Variants in PRDM16 observed in about 807,000 individuals in gnomAD.
PRDM16 encodes the protein histone-lysine N-methyltransferase PRDM16.
A neutral mutation model predicts 110.6 loss-of-function variants in PRDM16; 23 were observed. The observed-to-expected ratio is 0.21, with a 90% CI of 0.15 to 0.29. The LOEUF is 0.29. Among genes scored for constraint, PRDM16 ranks in the 10% least tolerant of loss-of-function variants. The pLI is 1.00. For missense variants in PRDM16, 1,615 were observed against 1,794.3 expected (o/e 0.90, Z 1.81); for synonymous variants, 799 against 781.8 (o/e 1.02, Z -0.37).
chr1:3,284,243 T>C (rs1640798408), intron 3 of PRDM16, among the ~76,000 whole-genome samples: 1 of 152,234 alleles, frequency 6.6e-6, no homozygotes, highest in Admixed American at 6.5e-5. Context: ...CCCCAGACAT[T>C]ATCTGCCTTT....
chr1:3,234,136 C>A (rs1423327354), intron 2 of PRDM16, among the ~76,000 whole-genome samples: 2 of 152,174 alleles, frequency 1.3e-5, no homozygotes, highest in Non-Finnish European at 2.9e-5. Flanking sequence ...GCTCTTGGAA[C>A]CCGGGCATGG....
intron 1 of PRDM16, among the ~76,000 whole-genome samples, chr1:3,142,028 G>A (rs189486597): frequency 1.3e-5 from 2 of 152,380 alleles, no homozygotes; most frequent in Admixed American, 6.5e-5. Context: ...CCATGGGGTC[G>A]CACTCTGGCC....
rs538233028 is a variant in PRDM16, at chr1:3,412,854, C to T, written c.2603+54C>T. On this transcript the variant is annotated intron_variant, in intron 9 of 16. Coordinates refer to ENST00000270722, the MANE Select transcript of PRDM16 (RefSeq NM_022114.4). ...TCCCTGGGGCGGGGCCGCGGCGGTG[C>T]TGGGCGGGCTCAGTGCATGGTGGTG... 201 of 1,374,916 alleles carry T rather than the reference C, an allele frequency of 1.5e-4. 1 individual carries two copies. In the African/African-American group the frequency reaches 2.8e-3, roughly 19 times the overall value. 85.2% of individuals were successfully genotyped at this position (1,374,916 alleles called of 1,614,324 possible).
chr1:3,120,538 C>T (rs979187684), intron 1 of PRDM16, among the ~76,000 whole-genome samples: 6 of 152,152 alleles, frequency 3.9e-5, no homozygotes, highest in East Asian at 1.9e-4. Flanking sequence ...CCACCATCCC[C>T]GCAAAGCTGG....
At chr1:3,181,021 C>T (rs373312169) in intron 1 of PRDM16, among the ~76,000 whole-genome samples, 2 of 137,542 alleles carry the variant, frequency 1.5e-5, no homozygotes, top group Non-Finnish European at 3.2e-5. Flanking sequence ...CTTACAAATG[C>T]GGTCTTACAC....
At chr1:3,432,728 G>A (rs1638801909) in intron 16 of PRDM16, among the ~76,000 whole-genome samples, 1 of 152,214 alleles carries the variant, frequency 6.6e-6, no homozygotes, top group Admixed American at 6.5e-5. Flanking sequence ...GCCCGCCCCA[G>A]GTCTCAGCAA....
chr1:3,402,474 G>T (rs991230806), intron 5 of PRDM16, among the ~76,000 whole-genome samples: 4 of 152,314 alleles, frequency 2.6e-5, no homozygotes, highest in Admixed American at 2.6e-4. Flanking sequence ...CTCCACTCCC[G>T]AGCGGGGCCT....
chr1:3,203,953 G>A (rs760946738), intron 2 of PRDM16, among the ~76,000 whole-genome samples: 8 of 152,116 alleles, frequency 5.3e-5, no homozygotes, highest in South Asian at 2.1e-4. Flanking sequence ...TGGTCCCCAC[G>A]TCCCTGAAGC....
At chr1:3,239,782 CTACAAAAAA>C in intron 2 of PRDM16, among the ~76,000 whole-genome samples, 1 of 150,866 alleles carries the variant, frequency 6.6e-6, no homozygotes, top group South Asian at 2.1e-4. Context: ...GACCCTGTCT[CTACAAAAAA>C]TACAAAAAAT....
intron 8 of PRDM16, among the ~76,000 whole-genome samples, chr1:3,407,072 T>G (rs1643575140): frequency 6.6e-6 from 1 of 152,208 alleles, no homozygotes; most frequent in East Asian, 1.9e-4. Context: ...GGCTGGGTGA[T>G]TTGAACCTTC....
chr1:3,274,936 C>T (rs1322495770), intron 3 of PRDM16, among the ~76,000 whole-genome samples: 1 of 152,188 alleles, frequency 6.6e-6, no homozygotes, highest in African/African-American at 2.4e-5. Flanking sequence ...TCTGGGGATG[C>T]AGGATGCACA....
At chr1:3,187,866 G>A (rs906756593) in intron 2 of PRDM16, among the ~76,000 whole-genome samples, 5 of 152,196 alleles carry the variant, frequency 3.3e-5, no homozygotes, top group African/African-American at 7.2e-5. Flanking sequence ...CTGAAGAAAC[G>A]TGCGGCAGAG....
At chr1:3,195,754 C>T (rs1299860980) in intron 2 of PRDM16, among the ~76,000 whole-genome samples, 4 of 152,184 alleles carry the variant, frequency 2.6e-5, no homozygotes, top group African/African-American at 9.6e-5. Flanking sequence ...GGCCCAGCCT[C>T]CCCCTAGGTC....
chr1:3,188,946 G>A (rs1638220899), intron 2 of PRDM16, among the ~76,000 whole-genome samples: 1 of 152,238 alleles, frequency 6.6e-6, no homozygotes, highest in African/African-American at 2.4e-5. Context: ...CTTTGGGCAG[G>A]AAAACTGACA....
chr1:3,167,371 C>T (rs78987058), intron 1 of PRDM16, among the ~76,000 whole-genome samples: 7,221 of 152,168 alleles, frequency 0.047, 270 homozygotes, highest in East Asian at 0.2. Context: ...TTCAGGCCTG[C>T]GTGGGAGAGC....
At chr1:3,409,119 G>T (rs1167017192) in intron 8 of PRDM16, among the ~76,000 whole-genome samples, 1 of 148,438 alleles carries the variant, frequency 6.7e-6, no homozygotes, top group Non-Finnish European at 1.5e-5. Context: ...GTGGGCGTGT[G>T]AGTTGATGCA....
At chr1:3,193,475 G>T (rs1161897731) in intron 2 of PRDM16, among the ~76,000 whole-genome samples, 1 of 152,210 alleles carries the variant, frequency 6.6e-6, no homozygotes, top group Non-Finnish European at 1.5e-5. Flanking sequence ...GAACTTGTGT[G>T]TCCAGCGCCC....
At chr1:3,352,264 C>T (rs1294867133) in intron 3 of PRDM16, among the ~76,000 whole-genome samples, 2 of 152,156 alleles carry the variant, frequency 1.3e-5, no homozygotes, top group Non-Finnish European at 2.9e-5. Context: ...CCCCCACCTG[C>T]GGACTGATTC....
intron 3 of PRDM16, among the ~76,000 whole-genome samples, chr1:3,324,019 G>A (rs1641827800): frequency 6.6e-6 from 1 of 152,190 alleles, no homozygotes; most frequent in African/African-American, 2.4e-5. Context: ...AGGGGTGGGG[G>A]CTGCCACCCT....
Sources: allele counts gnomAD v4.1 joint callset (sites outside exome capture counted in the v4.1 genomes callset), GRCh38; gene constraint gnomAD v4.1.1; transcripts MANE v1.5; gene names NCBI Gene and HGNC (gene_info 2026-07-23, HGNC 2026-07-21).